Variants in DEF6 observed in about 807,000 individuals in gnomAD.
DEF6 encodes the protein DEF6 guanine nucleotide exchange factor, also known as differentially expressed in FDCP 6 homolog.
In DEF6, 32 loss-of-function variants were observed where a neutral mutation model predicts 80.5. That is an observed-to-expected ratio of 0.40 (90% CI 0.30 to 0.53). DEF6 has a LOEUF of 0.53. DEF6 is among the 20% of genes least tolerant of loss of function. The pLI, the probability that DEF6 is intolerant of heterozygous loss-of-function variation, is 0.57. For synonymous variants in DEF6, 300 were observed against 337.9 expected (o/e 0.89, Z 1.23); for missense variants, 575 against 818.7 (o/e 0.70, Z 3.63).
intron 5 of DEF6, among the ~76,000 whole-genome samples, chr6:35,313,142 T>G (rs1791489313): frequency 6.6e-6 from 1 of 152,192 alleles, no homozygotes; most frequent in African/African-American, 2.4e-5. Context: ...CCTATTCTCC[T>G]TCCATACCCC....
chr6:35,319,248 A>G lies in DEF6; in HGVS notation c.1216-276A>G, dbSNP rs2150389114. On this transcript the variant is annotated intron_variant, in intron 7 of 10. Transcript: ENST00000316637. The surrounding 1 kb of genome is among the most constrained non-coding windows in gnomAD (Gnocchi z 4.5). ...ATATTTTTATATCTTATTTAATTAT[A>G]TAATGTTGTTTAATTACATGTTATA... is the stretch of plus-strand genomic sequence containing the variant. Among the ~76,000 whole-genome samples the G allele has an allele frequency of 6.6e-6, 1 of 152,108 alleles. No individual in the cohort carries two copies. The highest frequency in any genetic ancestry group is 2.1e-4 in the South Asian group (1 of 4,830).
intron 5 of DEF6, 134 bp from the exon 6 acceptor site, chr6:35,317,757 C>A (rs1251409746): frequency 3.0e-6 from 2 of 660,210 alleles, no homozygotes; most frequent in South Asian, 3.9e-5. Flanking sequence ...GCAAGCCATG[C>A]AGGCTCCTGG....
At position 35,310,103 on chromosome 6, in the gene DEF6, A is replaced by G. The variant is rs1791444048; in HGVS notation, c.237+293A>G. On this transcript the variant is annotated intron_variant, in intron 2 of 10. Coordinates refer to ENST00000316637, the MANE Select transcript of DEF6 (RefSeq NM_022047.4). ...CCTCCTCCAGCTTCCAGGGTTCTCC[A>G]CCCTTCCCAGACTGTCCCCCTGAAC... is the stretch of plus-strand genomic sequence containing the variant. Among the ~76,000 whole-genome samples, 4 of 149,154 alleles carry G rather than the reference A, an allele frequency of 2.7e-5. 1 individual carries two copies. The highest frequency in any genetic ancestry group is 2.0e-4 in the Admixed American group (3 of 15,038).
chr6:35,306,237 G>A (rs562253555), intron 1 of DEF6, among the ~76,000 whole-genome samples: 70 of 151,186 alleles, frequency 4.6e-4, no homozygotes, highest in African/African-American at 1.4e-3. Flanking sequence ...TTGGCCGGGC[G>A]CGGTGGCTCA....
At position 35,318,217 on chromosome 6, in the gene DEF6, C is replaced by G; in HGVS notation, c.961C>G (p.Leu321Val). Residue 321 changes from leucine to valine, a missense_variant, in exon 7 of 11, where the codon CTA becomes GTA. Leu to Val is a conservative substitution (Grantham distance 32). Transcript: ENST00000316637. The surrounding 1 kb of genome is among the most constrained non-coding windows in gnomAD (Gnocchi z 5.1). Reference sequence around the variant, plus strand: ...GCTGCAGGCCGAGGGGAAGACGTCCCTACACAAGGACCTGAAGCAGAAACG... The same window carrying G: ...GCTGCAGGCCGAGGGGAAGACGTCCGTACACAAGGACCTGAAGCAGAAACG... The part of the protein sequence containing the change: ...IRLQAEGKTS[L>V]HKDLKQKRRE... 6.3e-7 allele frequency: 1 copy of G among 1,595,458 alleles called. No homozygotes were observed. Among genetic ancestry groups the G allele is most frequent in the Non-Finnish European group, 8.5e-7 (1 of 1,172,020 alleles).
At position 35,320,904 on chromosome 6, in the gene DEF6, C is replaced by T. The variant is rs1447517538; in HGVS notation, c.1602C>T (p.Arg534=). The T allele has an allele frequency of 1.2e-6, 2 of 1,609,988 alleles. No individual in the cohort carries two copies. Among genetic ancestry groups the T allele is most frequent in the East Asian group, 2.2e-5 (1 of 44,718 alleles). The part of the protein sequence containing the change: ...EDVEAAQRKL[R]QASTNVKHWN... ...CACAGGCTGCCCAGAGAAAACTGCG[C>T]CAGGCCAGCACCAACGTGAAACACT... The change falls in exon 10 of 11, where the codon CGC becomes CGT. Residue 534 remains arginine, a synonymous_variant. Coordinates refer to ENST00000316637, the MANE Select transcript of DEF6 (RefSeq NM_022047.4).
At chr6:35,305,165 A>G (rs528911267) in intron 1 of DEF6, among the ~76,000 whole-genome samples, 1 of 145,832 alleles carries the variant, frequency 6.9e-6, no homozygotes, top group African/African-American at 2.5e-5. Context: ...TTTTTTTTCC[A>G]GACAGGGTCT....
chr6:35,312,660 A>C lies in DEF6; in HGVS notation c.695A>C (p.Asn232Thr). ...YLWKRGHLRR[N>T]WAERWFQLQP... ...TGGAAGCGAGGGCACCTGAGAAGGAACTGGGCCGAACGCTGGTTCCAGCTG... is the reference window on the plus strand; with the variant it reads ...TGGAAGCGAGGGCACCTGAGAAGGACCTGGGCCGAACGCTGGTTCCAGCTG... Residue 232 changes from asparagine to threonine, a missense_variant, in exon 5 of 11, where the codon AAC becomes ACC. Physicochemically the swap from Asn to Thr is moderately conservative, Grantham distance 65. Coordinates refer to ENST00000316637, the MANE Select transcript of DEF6 (RefSeq NM_022047.4). The surrounding 1 kb of genome is among the most constrained non-coding windows in gnomAD (Gnocchi z 6.6). 6.2e-7 allele frequency: 1 copy of C among 1,614,010 alleles called. No individual in the cohort carries two copies. The highest frequency in any genetic ancestry group is 8.5e-7 in the Non-Finnish European group (1 of 1,179,954).
intron 2 of DEF6, among the ~76,000 whole-genome samples, chr6:35,310,041 A>G (rs1203122226): frequency 7.1e-6 from 1 of 141,274 alleles, no homozygotes; most frequent in African/African-American, 2.7e-5. Flanking sequence ...GGTGGGCCCC[A>G]CCCTACCCAT....
rs138942316 is a variant in DEF6 at position 35,319,497 on chromosome 6, T to G, written c.1216-27T>G. Reference sequence around the variant, plus strand: ...CCACGTGCCCCTTTTGACCTGGCTCTTGGTCCACCACCTCCCCCCTCCACA... The same window carrying G: ...CCACGTGCCCCTTTTGACCTGGCTCGTGGTCCACCACCTCCCCCCTCCACA... On this transcript the variant is annotated intron_variant, in intron 7 of 10. Coordinates refer to ENST00000316637, the MANE Select transcript of DEF6 (RefSeq NM_022047.4). This position sits in a 1 kb window ranked among gnomAD's most constrained non-coding sequence, Gnocchi z 4.5. The G allele has an allele frequency of 1.5e-5, 23 of 1,505,126 alleles. No individual in the cohort carries two copies. The highest frequency in any genetic ancestry group is 1.7e-5 in the Non-Finnish European group (19 of 1,116,154). The allele number at this position is 1,505,126 out of a possible 1,614,324, so 93.2% of individuals were successfully genotyped here. A position where few individuals can be genotyped will look rare whatever the true frequency, so the allele number is the denominator to read the frequency against.
At chr6:35,307,663 A>G (rs532302585) in intron 1 of DEF6, among the ~76,000 whole-genome samples, 44 of 152,194 alleles carry the variant, frequency 2.9e-4, no homozygotes, top group Non-Finnish European at 5.1e-4. Context: ...CTTAAGGGAG[A>G]GGGGATTTAT....
chr6:35,311,171 GGTCCCTATCTCCTTACTCCTGGGT>G (rs1791460830), intron 3 of DEF6, among the ~76,000 whole-genome samples: 1 of 152,068 alleles, frequency 6.6e-6, no homozygotes, highest in Admixed American at 6.6e-5. Context: ...CTGGGAATCT[GGTCCCTATCTCCTTACTCCTGGGT>G]GAAGCCAGGG....
At chr6:35,315,282 T>C (rs1013565459) in intron 5 of DEF6, among the ~76,000 whole-genome samples, 2 of 152,136 alleles carry the variant, frequency 1.3e-5, no homozygotes, top group South Asian at 2.1e-4. Flanking sequence ...CTCAGTCTCC[T>C]TGGGCTCATG....
intron 1 of DEF6, among the ~76,000 whole-genome samples, chr6:35,304,253 C>T (rs1212792197): frequency 3.3e-5 from 5 of 152,180 alleles, no homozygotes; most frequent in African/African-American, 7.2e-5. Flanking sequence ...CCAGGGCGGT[C>T]GAGGCTGCAG....
chr6:35,309,896 C>A, intron 2 of DEF6, 86 bp downstream of exon 2: 1 of 1,496,310 alleles, frequency 6.7e-7, no homozygotes, highest in Non-Finnish European at 9.1e-7. Context: ...CACTCCAACT[C>A]TTCGCCCCTG....
At chr6:35,309,109 T>C (rs1467599761) in intron 1 of DEF6, among the ~76,000 whole-genome samples, 6 of 152,194 alleles carry the variant, frequency 3.9e-5, no homozygotes, top group African/African-American at 1.4e-4. Context: ...GCCAGGACAC[T>C]GAGTCTTTGA....
chr6:35,319,075 A>G lies in DEF6; in HGVS notation c.1216-449A>G, dbSNP rs1791556194. 6.6e-6 allele frequency among the ~76,000 whole-genome samples: 1 copy of G among 152,054 alleles called. No homozygotes were observed. Among genetic ancestry groups the G allele is most frequent in the Admixed American group, 6.6e-5 (1 of 15,264 alleles). On this transcript the variant is annotated intron_variant, in intron 7 of 10. Transcript: ENST00000316637. The surrounding 1 kb of genome is among the most constrained non-coding windows in gnomAD (Gnocchi z 4.5). ...CTTTGCTCACAGAGGTACGGTGAGGATTAAATGAGGAAACACTTGTAGTGT... is the reference window on the plus strand; with the variant it reads ...CTTTGCTCACAGAGGTACGGTGAGGGTTAAATGAGGAAACACTTGTAGTGT...
rs1297187096 is a variant in DEF6 at position 35,321,455 on chromosome 6, C to T, written c.*45C>T. The T allele has an allele frequency of 6.4e-7, 1 of 1,564,336 alleles. No individual in the cohort carries two copies. Among genetic ancestry groups the T allele is most frequent in the South Asian group, 1.1e-5 (1 of 87,922 alleles). On this transcript the variant is annotated 3_prime_UTR_variant, in exon 11 of 11. Transcript: ENST00000316637. Reference sequence around the variant, plus strand: ...CTTCCCAATGTCATATCCACCAGGACCTGGCCACAGCTGGCCTGTGGGTGA... The same window carrying T: ...CTTCCCAATGTCATATCCACCAGGATCTGGCCACAGCTGGCCTGTGGGTGA...
At chr6:35,301,838 T>C (rs1327802295) in intron 1 of DEF6, among the ~76,000 whole-genome samples, 1 of 151,320 alleles carries the variant, frequency 6.6e-6, no homozygotes, top group Non-Finnish European at 1.5e-5. Context: ...GTGATTCTCC[T>C]GCCTCAGCCT....
Sources: gnomAD v4.1 joint callset for allele counts (sites outside exome capture counted in the v4.1 genomes callset) on GRCh38, gnomAD v4.1.1 for gene constraint, Gnocchi (gnomAD v3.1) non-coding constraint, MANE v1.5 for transcripts, NCBI Gene and HGNC (gene_info 2026-07-23, HGNC 2026-07-21) for gene names.